Variants in FHOD3 observed in about 807,000 individuals in gnomAD.
FHOD3 encodes the protein FH1/FH2 domain-containing protein 3.
Under a neutral mutation model 173.0 loss-of-function variants are expected in FHOD3, and 90 were observed. The ratio of observed to expected loss-of-function variants is 0.52; its 90% CI spans 0.44 to 0.62. The LOEUF (loss-of-function observed/expected upper bound fraction) is 0.62. FHOD3 is among the 20% of genes least tolerant of loss of function. The pLI is 0.00. For missense variants in FHOD3, 1,945 were observed against 2,034.7 expected (o/e 0.96, Z 0.85); for synonymous variants, 828 against 823.0 (o/e 1.01, Z -0.10).
intron 10 of FHOD3, among the ~76,000 whole-genome samples, chr18:36,626,192 A>G (rs371571693): frequency 7.9e-5 from 12 of 152,166 alleles, no homozygotes; most frequent in African/African-American, 2.9e-4. Context: ...AAAAACCCAT[A>G]TGAGTTTCCA....
chr18:36,777,195 T>C (rs1346095768), intron 28 of FHOD3, among the ~76,000 whole-genome samples: 14 of 147,084 alleles, frequency 9.5e-5, no homozygotes, highest in African/African-American at 3.7e-4. Context: ...TCTTCTTCTT[T>C]TTCTTTTTTT....
intron 3 of FHOD3, among the ~76,000 whole-genome samples, chr18:36,414,913 C>T (rs2049551868): frequency 6.6e-6 from 1 of 152,196 alleles, no homozygotes; most frequent in African/African-American, 2.4e-5. Flanking sequence ...AGCTTACCCT[C>T]TGTGGTGGGT....
chr18:36,585,859 C>T (rs2059008901), intron 6 of FHOD3, among the ~76,000 whole-genome samples: 1 of 152,136 alleles, frequency 6.6e-6, no homozygotes, highest in Non-Finnish European at 1.5e-5. Flanking sequence ...GCAGAAACAC[C>T]AAAGTAGGCA....
At chr18:36,547,611 CAT>C (rs2057464642) in intron 5 of FHOD3, among the ~76,000 whole-genome samples, 1 of 152,090 alleles carries the variant, frequency 6.6e-6, no homozygotes, top group Admixed American at 6.5e-5. Flanking sequence ...GGAACATAAG[CAT>C]TTATGTTCCT....
At chr18:36,430,692 G>A (rs1339267699) in intron 3 of FHOD3, among the ~76,000 whole-genome samples, 1 of 152,204 alleles carries the variant, frequency 6.6e-6, no homozygotes, top group Non-Finnish European at 1.5e-5. Context: ...ATATGGGTTA[G>A]CTAGGAGTGA....
At chr18:36,490,006 C>A (rs372110195) in intron 3 of FHOD3, among the ~76,000 whole-genome samples, 7 of 152,176 alleles carry the variant, frequency 4.6e-5, no homozygotes, top group Non-Finnish European at 4.4e-5. Context: ...AGTTGTACTG[C>A]GTTTGAGATG....
intron 1 of FHOD3, among the ~76,000 whole-genome samples, chr18:36,302,841 G>C (rs2091990158): frequency 6.6e-6 from 1 of 152,238 alleles, no homozygotes; most frequent in Non-Finnish European, 1.5e-5. Context: ...ACAGCTAAGA[G>C]TGTCTCCATG....
chr18:36,434,407 C>T (rs2050708854), intron 3 of FHOD3, among the ~76,000 whole-genome samples: 1 of 152,116 alleles, frequency 6.6e-6, no homozygotes, highest in Admixed American at 6.6e-5. Flanking sequence ...ATATTCTGTT[C>T]TATTGCTCTG....
Position 36,681,296 on chromosome 18 carries a change from C to T in FHOD3, c.1836-140C>T. ...AGACAAAAATCTGAAACAAGAAGAC[C>T]CGAGGCATTCAGTGATTTTCCCCAA... On this transcript the variant is annotated intron_variant, in intron 14 of 28. Transcript: ENST00000590592. 10 of 961,250 alleles carry T rather than the reference C, an allele frequency of 1.0e-5. No individual in the cohort carries two copies. The South Asian group carries it at 1.8e-4, about 17-fold the overall frequency. The allele number at this position is 961,250 out of a possible 1,614,324, so 59.5% of individuals were successfully genotyped here.
intron 1 of FHOD3, among the ~76,000 whole-genome samples, chr18:36,336,052 G>A (rs2045291949): frequency 6.6e-6 from 1 of 152,134 alleles, no homozygotes; most frequent in South Asian, 2.1e-4. Context: ...GTGTCTGCTT[G>A]GCCAGAGCAT....
intron 2 of FHOD3, among the ~76,000 whole-genome samples, chr18:36,371,459 A>G (rs1028673034): frequency 6.6e-6 from 1 of 152,158 alleles, no homozygotes; most frequent in African/African-American, 2.4e-5. Flanking sequence ...GCCCTTTATC[A>G]AACCATCAGA....
At chr18:36,407,948 CATATG>C (rs1263486682) in intron 3 of FHOD3, among the ~76,000 whole-genome samples, 1 of 152,220 alleles carries the variant, frequency 6.6e-6, no homozygotes, top group Non-Finnish European at 1.5e-5. Context: ...AATCCTTTCT[CATATG>C]ATATAGGGAG....
intron 5 of FHOD3, among the ~76,000 whole-genome samples, chr18:36,567,244 T>A (rs2058297078): frequency 6.6e-6 from 1 of 152,136 alleles, no homozygotes; most frequent in South Asian, 2.1e-4. Context: ...AGTAAAGGGC[T>A]ACCAGTTTTA....
intron 3 of FHOD3, among the ~76,000 whole-genome samples, chr18:36,482,858 CAGAGAG>C (rs138052316): frequency 0.18 from 22,768 of 129,672 alleles, 2,316 homozygotes; most frequent in Admixed American, 0.32. Flanking sequence ...CACACACACA[CAGAGAG>C]AGAGAGAGAG....
At chr18:36,441,548 T>C (rs2051151175) in intron 3 of FHOD3, among the ~76,000 whole-genome samples, 1 of 152,230 alleles carries the variant, frequency 6.6e-6, no homozygotes, top group African/African-American at 2.4e-5. Context: ...TGGACGTCTC[T>C]GTGGCTGTTG....
intron 3 of FHOD3, among the ~76,000 whole-genome samples, chr18:36,406,097 T>G (rs528682673): frequency 0.044 from 6,710 of 151,124 alleles, 516 homozygotes; most frequent in African/African-American, 0.15. Context: ...TTGTTTTTGT[T>G]TTTTTGTTTT....
In FHOD3 at chr18:36,764,236, G is replaced by A. The variant is rs187051066; in HGVS notation, c.4624+3454G>A. Among the ~76,000 whole-genome samples the A allele has an allele frequency of 3.2e-3, 487 of 152,234 alleles. 9 individuals are homozygous for A. The highest frequency in any genetic ancestry group is 1.2e-3 in the Non-Finnish European group (84 of 68,012). ...AAGAAGGTGGGGAAGGCCAGAAAGTGAAGAAAACAGTCTCATTAAATGGTG... is the reference window on the plus strand; with the variant it reads ...AAGAAGGTGGGGAAGGCCAGAAAGTAAAGAAAACAGTCTCATTAAATGGTG... On this transcript the variant is annotated intron_variant, in intron 27 of 28. Coordinates refer to ENST00000590592, the MANE Select transcript of FHOD3 (RefSeq NM_001281740.3).
intron 1 of FHOD3, among the ~76,000 whole-genome samples, chr18:36,352,134 A>G (rs1023680520): frequency 5.3e-5 from 8 of 152,104 alleles, no homozygotes. Flanking sequence ...TAAATTGGCT[A>G]GGCACAATGG....
chr18:36,393,850 A>G (rs1307520565), intron 3 of FHOD3, among the ~76,000 whole-genome samples: 2 of 152,280 alleles, frequency 1.3e-5, no homozygotes, highest in South Asian at 2.1e-4. Flanking sequence ...CTGGGTTCTG[A>G]TGGTTTCCTA....
Sources: gnomAD v4.1 joint callset for allele counts (sites outside exome capture counted in the v4.1 genomes callset) on GRCh38, gnomAD v4.1.1 for gene constraint, MANE v1.5 for transcripts, NCBI Gene and HGNC (gene_info 2026-07-23, HGNC 2026-07-21) for gene names.